RSBN1L: variants seen among roughly 807,000 people sequenced by gnomAD.
The protein encoded by RSBN1L is round spermatid basic protein 1 like.
In RSBN1L, 30 loss-of-function variants were observed where a neutral mutation model predicts 67.7. The observed-to-expected ratio is 0.44, with a 90% CI of 0.33 to 0.60. The LOEUF (loss-of-function observed/expected upper bound fraction) is 0.60. RSBN1L is among the 20% of genes least tolerant of loss of function. RSBN1L has a pLI of 0.02. For missense variants in RSBN1L, 992 were observed against 1,031.7 expected, an observed-to-expected ratio of 0.96 and a Z score of 0.53; for synonymous variants, 433 against 387.0, an observed-to-expected ratio of 1.12 and a Z score of -1.39.
intron 1 of RSBN1L, among the ~76,000 whole-genome samples, chr7:77,706,712 T>TA (rs971057719): frequency 3.3e-4 from 50 of 152,368 alleles, no homozygotes; most frequent in African/African-American, 1.0e-3. Flanking sequence ...AGTTTATTGT[T>TA]ACCTGTATGG....
At chr7:77,753,711 A>C (rs1325023245) in intron 3 of RSBN1L, among the ~76,000 whole-genome samples, 1 of 152,200 alleles carries the variant, frequency 6.6e-6, no homozygotes, top group African/African-American at 2.4e-5. Flanking sequence ...ATATTCTGTG[A>C]AGTTTTCTTC....
chr7:77,697,715 T>C (rs1339952277), intron 1 of RSBN1L, among the ~76,000 whole-genome samples: 1 of 152,158 alleles, frequency 6.6e-6, no homozygotes, highest in African/African-American at 2.4e-5. Context: ...AGCCATATTC[T>C]TTTTTTCCCT....
At position 77,773,149 on chromosome 7, in the gene RSBN1L, C is replaced by G; in HGVS notation, c.1628C>G (p.Thr543Ser). 1 of 1,560,106 alleles carries G rather than the reference C, an allele frequency of 6.4e-7. No homozygotes were observed. Among genetic ancestry groups the G allele is most frequent in the African/African-American group, 1.4e-5 (1 of 72,788 alleles). The change falls in exon 6 of 8, where the codon ACT becomes AGT. Residue 543 changes from threonine (T) to serine (S), a missense_variant and splice_region_variant. By Grantham distance (58) the Thr-to-Ser change is moderately conservative. This residue lies in a region of RSBN1L where 67 missense variants were observed against 130.5 expected (regional missense o/e 0.51). Transcript: ENST00000334955. ...MPKSPFKRKR[T>S]TNEIKNLQYL... ...AATTTTCTTTTTTTAAAAAACAGAA[C>G]TACCAATGAAATAAAAAATCTTCAG...
Position 77,773,302 on chromosome 7 carries a change from A to T in RSBN1L, c.1781A>T (p.His594Leu). 1 of 1,579,936 alleles carries T rather than the reference A, an allele frequency of 6.3e-7. No individual in the cohort carries two copies. ...GCTGTTGGAGTGCTGAAGGCTGTGC[A>T]CTGTGGAGAGTGGTATATATAACTA... ...TAAVGVLKAV[H>L]CGEWPDQPRI... The change falls in exon 6 of 8, where the codon CAC becomes CTC. Residue 594 changes from histidine to leucine, a missense_variant. By Grantham distance (99) the His-to-Leu change is moderately conservative. Coordinates refer to ENST00000334955, the MANE Select transcript of RSBN1L (RefSeq NM_198467.3).
At chr7:77,777,430 G>A (rs62460739) in intron 6 of RSBN1L, among the ~76,000 whole-genome samples, 33,691 of 150,780 alleles carry the variant, frequency 0.22, 4,049 homozygotes, top group South Asian at 0.29. Context: ...CTGTTTTCTC[G>A]GTGACAGATT....
At chr7:77,736,307 TTTTC>T in intron 1 of RSBN1L, 99 bp from the exon 2 acceptor site, 5 of 448,958 alleles carry the variant, frequency 1.1e-5, no homozygotes, top group Non-Finnish European at 1.7e-5. Flanking sequence ...CTCATTCTGA[TTTTC>T]TTTGTGTATT....
chr7:77,769,171 A>C lies in RSBN1L; in HGVS notation c.1625+368A>C, dbSNP rs1225517023. ...CTGTGTTCTGGATTGGATAAAAATG[A>C]TAGTTCTTTAAAATTTTCTGCATTT... On this transcript the variant is annotated intron_variant, in intron 5 of 7. Transcript: ENST00000334955. Among the ~76,000 whole-genome samples, 4 of 152,236 alleles carry C rather than the reference A, an allele frequency of 2.6e-5. No homozygotes were observed. In the East Asian group the frequency reaches 7.7e-4, roughly 29 times the overall value.
Position 77,749,864 on chromosome 7 carries a change from G to A in RSBN1L, c.1144G>A (p.Glu382Lys), listed in dbSNP as rs1484603294. The change falls in exon 3 of 8, where the codon GAA becomes AAA. Residue 382 changes from glutamate (E) to lysine (K), a missense_variant. By Grantham distance (56) the Glu-to-Lys change is moderately conservative. Coordinates refer to ENST00000334955, the MANE Select transcript of RSBN1L (RefSeq NM_198467.3). Reference sequence around the variant, plus strand: ...TCCTATGGAGATGGAGAGGTTTGCAGAAGAGTTTGTGGGTCTAGTGTTCAG... The same window carrying A: ...TCCTATGGAGATGGAGAGGTTTGCAAAAGAGTTTGTGGGTCTAGTGTTCAG... The part of the protein sequence containing the change: ...LSPMEMERFA[E>K]EFVGLVFSEN... 2.5e-6 allele frequency: 4 copies of A among 1,614,204 alleles called. No individual in the cohort carries two copies. In the South Asian group the frequency reaches 4.4e-5, roughly 18 times the overall value.
At chr7:77,705,328 A>C (rs1790876327) in intron 1 of RSBN1L, among the ~76,000 whole-genome samples, 1 of 152,014 alleles carries the variant, frequency 6.6e-6, no homozygotes, top group Non-Finnish European at 1.5e-5. Flanking sequence ...ATTTCATGTA[A>C]ATTGAAAGTT....
intron 1 of RSBN1L, among the ~76,000 whole-genome samples, chr7:77,701,992 A>G (rs528400662): frequency 8.3e-5 from 12 of 143,990 alleles, no homozygotes; most frequent in Non-Finnish European, 1.7e-4. Context: ...TTTTTTTGAG[A>G]CGGTCTTGTA....
intron 2 of RSBN1L, among the ~76,000 whole-genome samples, chr7:77,748,567 A>C (rs1791513575): frequency 6.6e-6 from 1 of 152,040 alleles, no homozygotes; most frequent in African/African-American, 2.4e-5. Flanking sequence ...GGCTCACTGC[A>C]ATCTGCCTCT....
chr7:77,718,709 T>C (rs1791078985), intron 1 of RSBN1L, among the ~76,000 whole-genome samples: 1 of 152,248 alleles, frequency 6.6e-6, no homozygotes, highest in African/African-American at 2.4e-5. Context: ...TTGTGAAGGC[T>C]GAATTATCTC....
intron 4 of RSBN1L, among the ~76,000 whole-genome samples, chr7:77,767,013 T>TCCTTCC (rs1208441492): frequency 6.8e-6 from 1 of 147,504 alleles, no homozygotes; most frequent in Non-Finnish European, 1.5e-5. Flanking sequence ...TCCTTTCCTT[T>TCCTTCC]CCTTCCCCTT....
intron 1 of RSBN1L, among the ~76,000 whole-genome samples, chr7:77,722,705 C>A (rs553374575): frequency 6.6e-6 from 1 of 151,530 alleles, no homozygotes; most frequent in Non-Finnish European, 1.5e-5. Context: ...CTTCTTCTGC[C>A]GCTGCTTGTT....
At chr7:77,704,561 CTCCATTAAT>C (rs1004249892) in intron 1 of RSBN1L, among the ~76,000 whole-genome samples, 1 of 152,154 alleles carries the variant, frequency 6.6e-6, no homozygotes, top group Admixed American at 6.5e-5. Context: ...ACCTCCGCTC[CTCCATTAAT>C]TTATTTATTT....
chr7:77,736,500 A>G lies in RSBN1L; in HGVS notation c.677A>G (p.Asn226Ser), dbSNP rs1378696103. Reference sequence around the variant, plus strand: ...GTAATGAATGAGATCAAGAAAGAGAATGGAGAAGTAAAGATTTTGCTGAAA... The same window carrying G: ...GTAATGAATGAGATCAAGAAAGAGAGTGGAGAAGTAAAGATTTTGCTGAAA... ...HKVMNEIKKE[N>S]GEVKILLKSG... The change falls in exon 2 of 8, where the codon AAT becomes AGT. Residue 226 changes from asparagine (N) to serine (S), a missense_variant. Coordinates refer to ENST00000334955, the MANE Select transcript of RSBN1L (RefSeq NM_198467.3). The G allele has an allele frequency of 7.7e-7, 1 of 1,304,700 alleles. No individual in the cohort carries two copies. Among genetic ancestry groups the G allele is most frequent in the Non-Finnish European group, 1.0e-6 (1 of 955,498 alleles). The allele number at this position is 1,304,700 out of a possible 1,614,324, so 80.8% of individuals were successfully genotyped here.
intron 2 of RSBN1L, among the ~76,000 whole-genome samples, chr7:77,739,823 C>T (rs1562801692): frequency 8.5e-6 from 1 of 116,998 alleles, no homozygotes; most frequent in Non-Finnish European, 1.7e-5. Flanking sequence ...GATCTCGGCT[C>T]ACTGCAAACT....
At chr7:77,719,760 T>C (rs1247894293) in intron 1 of RSBN1L, among the ~76,000 whole-genome samples, 3 of 152,184 alleles carry the variant, frequency 2.0e-5, no homozygotes, top group Admixed American at 6.5e-5. Flanking sequence ...TATGTATATA[T>C]GTATTTAAAA....
intron 3 of RSBN1L, among the ~76,000 whole-genome samples, chr7:77,751,175 A>G (rs1490062945): frequency 6.6e-6 from 1 of 151,202 alleles, no homozygotes; most frequent in Non-Finnish European, 1.5e-5. Context: ...GTTTTTTGAG[A>G]TGGAGTCAGA....
Sources: gnomAD v4.1 joint callset for allele counts (sites outside exome capture counted in the v4.1 genomes callset) on GRCh38, gnomAD v4.1.1 for gene constraint, gnomAD v4.1.1 regional missense constraint, MANE v1.5 for transcripts, NCBI Gene and HGNC (gene_info 2026-07-23, HGNC 2026-07-21) for gene names.